Variants in PRRX2 observed in about 807,000 individuals in gnomAD.
PRRX2 encodes paired mesoderm homeobox protein 2.
Under a neutral mutation model 18.0 loss-of-function variants are expected in PRRX2, and 11 were observed. The observed-to-expected ratio is 0.61, with a 90% CI of 0.39 to 1.01. The LOEUF is 1.01. PRRX2 is among the 50% of genes least tolerant of loss of function. PRRX2 has a pLI of 0.01. For synonymous variants in PRRX2, 177 were observed against 154.8 expected (o/e 1.14, Z -1.06); for missense variants, 387 against 351.0 (o/e 1.10, Z -0.82).
Position 129,695,834 on chromosome 9 carries a change from A to G in PRRX2, c.260-23397A>G, listed in dbSNP as rs894417. Among the ~76,000 whole-genome samples the G allele has an allele frequency of 0.15, 22,946 of 152,172 alleles. 2,366 individuals carry two copies. The highest frequency in any genetic ancestry group is 0.28 in the African/African-American group (11,597 of 41,470). ...CAAGTTAACAAGCCCCCACAAGTGA[A>G]TTCAGAGAGCATTAACGGGAAAGTT... On this transcript the variant is annotated intron_variant, in intron 1 of 3. Coordinates refer to ENST00000372469, the MANE Select transcript of PRRX2 (RefSeq NM_016307.4). The surrounding 1 kb of genome is among the most constrained non-coding windows in gnomAD (Gnocchi z 4.8).
chr9:129,706,308 C>T (rs939883976), intron 1 of PRRX2, among the ~76,000 whole-genome samples: 10 of 151,924 alleles, frequency 6.6e-5, no homozygotes, highest in Middle Eastern at 3.4e-3. Flanking sequence ...TTCCCAGGCG[C>T]GGTGGCTCAC....
intron 3 of PRRX2, among the ~76,000 whole-genome samples, chr9:129,721,023 G>C (rs1832784415): frequency 6.6e-6 from 1 of 152,150 alleles, no homozygotes; most frequent in African/African-American, 2.4e-5. Flanking sequence ...ACACATGACT[G>C]TGAGTGTGCA....
In PRRX2 at chr9:129,722,296, C is replaced by T. The variant is rs202233874; in HGVS notation, c.706C>T (p.Arg236Cys). 4.2e-5 allele frequency: 67 copies of T among 1,614,038 alleles called. No individual in the cohort carries two copies. The East Asian group carries it at 1.1e-3, about 26-fold the overall frequency. The stretch of plus-strand genomic sequence containing the variant: ...CATGGCCAACAGCATCGCCAGCCTC[C>T]GTCTCAAGGCCAAGGAGTTCAGCCT... ...VNMANSIASL[R>C]LKAKEFSLHH... The change falls in exon 4 of 4, where the codon CGT becomes TGT. Residue 236 changes from arginine (R) to cysteine (C), a missense_variant. Physicochemically the swap from Arg to Cys is radical, Grantham distance 180 (BLOSUM62 -3). Transcript: ENST00000372469.
intron 1 of PRRX2, among the ~76,000 whole-genome samples, chr9:129,707,112 C>A (rs574476745): frequency 1.3e-5 from 2 of 152,010 alleles, no homozygotes; most frequent in African/African-American, 4.8e-5. Context: ...AAAAATTAGC[C>A]AGGCATGGTG....
chr9:129,692,851 A>G (rs968929806), intron 1 of PRRX2, among the ~76,000 whole-genome samples: 1 of 152,204 alleles, frequency 6.6e-6, no homozygotes, highest in African/African-American at 2.4e-5. Context: ...CAGAGCTGCT[A>G]TAAACATCCC....
At chr9:129,666,777 G>A (rs955574733) in intron 1 of PRRX2, among the ~76,000 whole-genome samples, 1 of 152,212 alleles carries the variant, frequency 6.6e-6, no homozygotes, top group Non-Finnish European at 1.5e-5. Flanking sequence ...GGAGAAGATG[G>A]AGAAAAAGCA....
rs1273054584 is a variant in PRRX2, at chr9:129,675,731, C to T, written c.259+9605C>T. ...TGGCGTTATTAAAAATGACATTTAA[C>T]CAGAGCTGGAATTACCACGCGGATG... On this transcript the variant is annotated intron_variant, in intron 1 of 3. Coordinates refer to ENST00000372469, the MANE Select transcript of PRRX2 (RefSeq NM_016307.4). The surrounding 1 kb of genome is among the most constrained non-coding windows in gnomAD (Gnocchi z 4.4). Among the ~76,000 whole-genome samples the T allele has an allele frequency of 2.0e-5, 3 of 151,706 alleles. No homozygotes were observed. The highest frequency in any genetic ancestry group is 4.4e-5 in the Non-Finnish European group (3 of 67,936).
rs200713340 is a variant in PRRX2, at chr9:129,719,217, C to CG, written c.260-14_260-13insG. On this transcript the variant is annotated splice_polypyrimidine_tract_variant and intron_variant, in intron 1 of 3. Coordinates refer to ENST00000372469, the MANE Select transcript of PRRX2 (RefSeq NM_016307.4). Reference sequence around the variant, plus strand: ...GCCGTCCTGCTGACCATCCCGCCCCCCCAACCTCCGCAGGTGAGTGTCCCA... The same window carrying CG: ...GCCGTCCTGCTGACCATCCCGCCCCCGCCAACCTCCGCAGGTGAGTGTCCCA... The CG allele has an allele frequency of 1.6e-3, 2,436 of 1,558,578 alleles. 77 individuals carry two copies. In the Admixed American group the frequency reaches 0.041, roughly 26 times the overall value.
intron 1 of PRRX2, among the ~76,000 whole-genome samples, chr9:129,713,470 G>T (rs983134837): frequency 1.3e-5 from 2 of 152,028 alleles, no homozygotes; most frequent in Admixed American, 1.3e-4. Context: ...TCCTGACCCC[G>T]CCCACCCATG....
At chr9:129,684,522 A>ACC (rs57719565) in intron 1 of PRRX2, among the ~76,000 whole-genome samples, 8 of 39,680 alleles carry the variant, frequency 2.0e-4, no homozygotes, top group East Asian at 1.1e-3. Flanking sequence ...ACACACACAC[A>ACC]CCCACACACA....
At chr9:129,684,385 T>TA (rs1270543401) in intron 1 of PRRX2, among the ~76,000 whole-genome samples, 1 of 149,682 alleles carries the variant, frequency 6.7e-6, no homozygotes, top group Non-Finnish European at 1.5e-5. Context: ...CACCCTTTCC[T>TA]ATAGAGGAGA....
At chr9:129,688,753 G>A (rs1015471428) in intron 1 of PRRX2, among the ~76,000 whole-genome samples, 3 of 152,184 alleles carry the variant, frequency 2.0e-5, no homozygotes, top group Non-Finnish European at 4.4e-5. Flanking sequence ...TGAAGCAAAC[G>A]TGCACAGGGG....
At chr9:129,691,242 CAGG>C (rs1394429492) in intron 1 of PRRX2, among the ~76,000 whole-genome samples, 1 of 151,286 alleles carries the variant, frequency 6.6e-6, no homozygotes, top group African/African-American at 2.4e-5. Flanking sequence ...GAGGCTGAGG[CAGG>C]AGAATTGCTT....
rs1445966680 is a variant in PRRX2 at position 129,671,415 on chromosome 9, G to A, written c.259+5289G>A. ...TAGATCATCTGGGTGGAGCTTGGGG[G>A]CCTGGCACAGGGGGCTTAGACCGGC... On this transcript the variant is annotated intron_variant, in intron 1 of 3. Transcript: ENST00000372469. The surrounding 1 kb of genome is among the most constrained non-coding windows in gnomAD (Gnocchi z 4.0). Among the ~76,000 whole-genome samples the A allele has an allele frequency of 6.6e-6, 1 of 152,212 alleles. No homozygotes were observed. Among genetic ancestry groups the A allele is most frequent in the Non-Finnish European group, 1.5e-5 (1 of 68,036 alleles).
At chr9:129,689,466 G>A (rs1216577209) in intron 1 of PRRX2, among the ~76,000 whole-genome samples, 1 of 152,210 alleles carries the variant, frequency 6.6e-6, no homozygotes, top group Non-Finnish European at 1.5e-5. Flanking sequence ...GTGTTTGCTT[G>A]AGTTATCACC....
chr9:129,674,494 C>G (rs962446584), intron 1 of PRRX2, among the ~76,000 whole-genome samples: 4 of 152,006 alleles, frequency 2.6e-5, no homozygotes, highest in African/African-American at 9.7e-5. Context: ...GATTGGGGAC[C>G]GGGCAACAGG....
At chr9:129,701,268 G>A (rs540907409) in intron 1 of PRRX2, among the ~76,000 whole-genome samples, 1 of 152,332 alleles carries the variant, frequency 6.6e-6, no homozygotes, top group Admixed American at 6.5e-5. Flanking sequence ...CTCACAGCGG[G>A]AAGCAGTCTA....
chr9:129,708,176 C>T (rs1416742683), intron 1 of PRRX2, among the ~76,000 whole-genome samples: 1 of 152,168 alleles, frequency 6.6e-6, no homozygotes, highest in Non-Finnish European at 1.5e-5. Context: ...ACTGGGATTT[C>T]AGGTACCTGC....
chr9:129,674,505 C>G (rs531311134), intron 1 of PRRX2, among the ~76,000 whole-genome samples: 45 of 152,218 alleles, frequency 3.0e-4, no homozygotes, highest in African/African-American at 9.9e-4. Context: ...GGGCAACAGG[C>G]TGTGGGCTGC....
Sources: gnomAD v4.1 joint callset for allele counts (sites outside exome capture counted in the v4.1 genomes callset) on GRCh38, gnomAD v4.1.1 for gene constraint, Gnocchi (gnomAD v3.1) non-coding constraint, MANE v1.5 for transcripts, NCBI Gene and HGNC (gene_info 2026-07-23, HGNC 2026-07-21) for gene names.